The following CCDC178 variants were observed in gnomAD, a reference collection of about 807,000 sequenced individuals.
CCDC178 encodes the protein coiled-coil domain containing 178.
In CCDC178, 126 loss-of-function variants were observed where a neutral mutation model predicts 117.4. The observed-to-expected ratio is 1.07, with a 90% CI of 0.93 to 1.24. The LOEUF (loss-of-function observed/expected upper bound fraction) is 1.24. Among genes scored for constraint, CCDC178 ranks in the 50% most tolerant of loss-of-function variants. The pLI is 0.00. For missense variants in CCDC178, 1,030 were observed against 986.9 expected (o/e 1.04, Z -0.59); for synonymous variants, 283 against 313.4 (o/e 0.90, Z 1.02).
Position 32,938,081 on chromosome 18 carries a change from G to T in CCDC178, c.2534C>A (p.Ser845Ter). The change falls in exon 23 of 23, where the codon TCA becomes TAA. Residue 845 changes from serine (S) to a stop codon, truncating the protein, a stop_gained. Transcript: ENST00000383096. LOFTEE classifies it high-confidence loss of function. ...ACCTAAGATGTGTTGCATTAAATTT[G>T]AAGATTCCTCCTGTTCAGAAGCAAG... ...QKILAVQEES[S>*]NLMQHILGFF... The T allele has an allele frequency of 6.2e-7, 1 of 1,612,702 alleles. No individual in the cohort carries two copies. The highest frequency in any genetic ancestry group is 1.1e-5 in the South Asian group (1 of 91,036).
At chr18:33,176,789 T>A (rs551994826) in intron 20 of CCDC178, among the ~76,000 whole-genome samples, 105 of 152,222 alleles carry the variant, frequency 6.9e-4, no homozygotes, top group Middle Eastern at 3.4e-3. Context: ...GAATTTTTTT[T>A]AAAAAATAAG....
At chr18:32,953,492 A>G (rs1054353931) in intron 22 of CCDC178, among the ~76,000 whole-genome samples, 16 of 152,280 alleles carry the variant, frequency 1.1e-4, no homozygotes, top group African/African-American at 3.6e-4. Flanking sequence ...TCCAAAGTCA[A>G]TTGCAAATAC....
At chr18:33,094,798 C>T (rs554023219) in intron 20 of CCDC178, among the ~76,000 whole-genome samples, 189 of 151,942 alleles carry the variant, frequency 1.2e-3, no homozygotes, top group African/African-American at 4.2e-3. Flanking sequence ...TGTAGTTATG[C>T]CAGTAAATCT....
At chr18:33,385,930 A>T (rs963064502) in intron 5 of CCDC178, among the ~76,000 whole-genome samples, 3 of 152,182 alleles carry the variant, frequency 2.0e-5, no homozygotes, top group Non-Finnish European at 4.4e-5. Flanking sequence ...CTATTTTTTT[A>T]AAAGAATCAA....
chr18:33,034,548 C>A (rs962174794), intron 21 of CCDC178, among the ~76,000 whole-genome samples: 4 of 151,912 alleles, frequency 2.6e-5, no homozygotes, highest in Admixed American at 6.6e-5. Flanking sequence ...AGATATTTTT[C>A]TAACTTTATG....
At chr18:33,320,451 A>T (rs1215048559) in intron 11 of CCDC178, among the ~76,000 whole-genome samples, 1 of 152,176 alleles carries the variant, frequency 6.6e-6, no homozygotes, top group Admixed American at 6.6e-5. Context: ...CACCAATAAC[A>T]GACAAACAGA....
intron 17 of CCDC178, 97 bp downstream of exon 17, chr18:33,224,678 A>T: frequency 1.3e-6 from 1 of 778,914 alleles, no homozygotes; most frequent in Non-Finnish European, 1.9e-6. Flanking sequence ...CCCCTATGTG[A>T]AATCATAATT....
intron 21 of CCDC178, among the ~76,000 whole-genome samples, chr18:33,071,545 A>C (rs1488299374): frequency 6.6e-6 from 1 of 152,120 alleles, no homozygotes; most frequent in Non-Finnish European, 1.5e-5. Context: ...TGCCAGACCC[A>C]TTAAACAGTG....
At chr18:33,230,322 A>C (rs1430318086) in intron 15 of CCDC178, among the ~76,000 whole-genome samples, 4 of 152,118 alleles carry the variant, frequency 2.6e-5, no homozygotes, top group Admixed American at 6.6e-5. Context: ...CCACTTTCAA[A>C]TATGATAAAA....
intron 20 of CCDC178, among the ~76,000 whole-genome samples, chr18:33,142,430 A>G (rs2058218526): frequency 6.6e-6 from 1 of 152,322 alleles, no homozygotes; most frequent in Non-Finnish European, 1.5e-5. Flanking sequence ...TCATGATAGA[A>G]TAAAATGAGG....
intron 21 of CCDC178, among the ~76,000 whole-genome samples, chr18:33,069,695 A>C (rs570595165): frequency 6.6e-6 from 1 of 152,256 alleles, no homozygotes; most frequent in African/African-American, 2.4e-5. Context: ...AAACTTCTAC[A>C]AATACTTCTG....
At chr18:33,019,239 G>C (rs1160506519) in intron 21 of CCDC178, among the ~76,000 whole-genome samples, 2 of 152,122 alleles carry the variant, frequency 1.3e-5, no homozygotes, top group Non-Finnish European at 2.9e-5. Context: ...TTGGCAGAAG[G>C]CTGGTGGTAT....
rs373334627 is a variant in CCDC178, at chr18:33,226,143, G to A, written c.1656+650C>T. 1.2e-4 allele frequency among the ~76,000 whole-genome samples: 18 copies of A among 152,316 alleles called. No homozygotes were observed. In the East Asian group the frequency reaches 3.5e-3, roughly 29 times the overall value. ...GCCACTGCACTCCAGCCTGGCGACA[G>A]AGCAAGACTCTTTCTCAAAAAAACA... On this transcript the variant is annotated intron_variant, in intron 16 of 22. Transcript: ENST00000383096.
chr18:33,226,832 T>G lies in CCDC178; in HGVS notation c.1617A>C (p.Lys539Asn). Residue 539 changes from lysine to asparagine, a missense_variant, in exon 16 of 23, where the codon AAA (lysine) becomes AAC (asparagine). Coordinates refer to ENST00000383096, the MANE Select transcript of CCDC178 (RefSeq NM_001105528.4). ...CAGCAGCCACTTCACCTTGAGTGAG[T>G]TTTTTCAGGAATTCTTCTCTACCCT... ...KFKGREEFLK[K>N]LTQGEVAAGM... 6.2e-7 allele frequency: 1 copy of G among 1,601,066 alleles called. No homozygotes were observed. Among genetic ancestry groups the G allele is most frequent in the South Asian group, 1.1e-5 (1 of 89,828 alleles).
At chr18:33,087,169 CTACCAGAA>C in intron 21 of CCDC178, among the ~76,000 whole-genome samples, 1 of 152,152 alleles carries the variant, frequency 6.6e-6, no homozygotes, top group African/African-American at 2.4e-5. Context: ...CTATGCCACT[CTACCAGAA>C]TAAAATCTCA....
intron 6 of CCDC178, among the ~76,000 whole-genome samples, chr18:33,361,813 AG>A: frequency 6.6e-6 from 1 of 151,938 alleles, no homozygotes; most frequent in South Asian, 2.1e-4. Flanking sequence ...AATGTTGGTG[AG>A]GGTATGGAGA....
chr18:33,327,489 G>A (rs1173771602), intron 10 of CCDC178, among the ~76,000 whole-genome samples: 1 of 152,088 alleles, frequency 6.6e-6, no homozygotes, highest in Non-Finnish European at 1.5e-5. Context: ...AATTGCTGAA[G>A]AATATTGTAA....
chr18:33,282,946 C>G (rs1296519241), intron 12 of CCDC178, among the ~76,000 whole-genome samples: 2 of 152,178 alleles, frequency 1.3e-5, no homozygotes, highest in Non-Finnish European at 2.9e-5. Context: ...CAGACCAGCA[C>G]TCTGGCCCCA....
At chr18:33,179,493 T>C (rs1212303498) in intron 20 of CCDC178, among the ~76,000 whole-genome samples, 3 of 151,980 alleles carry the variant, frequency 2.0e-5, no homozygotes, top group Admixed American at 6.6e-5. Context: ...TGTCTTCTAT[T>C]CTCTGCCATA....
Sources: allele counts gnomAD v4.1 joint callset (sites outside exome capture counted in the v4.1 genomes callset), GRCh38; gene constraint gnomAD v4.1.1; transcripts MANE v1.5; gene names NCBI Gene and HGNC (gene_info 2026-07-23, HGNC 2026-07-21).